The following ZNF407 variants were observed in gnomAD, a reference collection of about 807,000 sequenced individuals.
ZNF407 encodes the protein zinc finger protein 407.
ZNF407 carries 17 observed loss-of-function variants against 131.2 expected under a neutral mutation model. The ratio of observed to expected loss-of-function variants is 0.13; its 90% CI spans 0.09 to 0.19. The LOEUF (loss-of-function observed/expected upper bound fraction) is 0.19. ZNF407 is among the 10% of genes least tolerant of loss of function. The pLI is 1.00. For missense variants in ZNF407, 2,681 were observed against 2,830.6 expected (o/e 0.95, Z 1.20); for synonymous variants, 1,156 against 1,062.0 (o/e 1.09, Z -1.72).
At chr18:74,667,091 G>A (rs1172759812) in intron 3 of ZNF407, among the ~76,000 whole-genome samples, 1 of 151,894 alleles carries the variant, frequency 6.6e-6, no homozygotes, top group Non-Finnish European at 1.5e-5. Context: ...TGATCTGTTG[G>A]TGCCTCACAA....
intron 8 of ZNF407, among the ~76,000 whole-genome samples, chr18:74,938,007 A>G (rs1415983959): frequency 1.3e-5 from 2 of 152,164 alleles, no homozygotes; most frequent in Non-Finnish European, 2.9e-5. Context: ...CATAATGCTC[A>G]TATTCAGGAC....
At position 74,649,368 on chromosome 18, in the gene ZNF407, G is replaced by T. The variant is rs188705436; in HGVS notation, c.4802+8246G>T. Among the ~76,000 whole-genome samples the T allele has an allele frequency of 2.6e-3, 402 of 152,316 alleles. 1 individual carries two copies. The highest frequency in any genetic ancestry group is 9.4e-3 in the African/African-American group (389 of 41,576). On this transcript the variant is annotated intron_variant, in intron 3 of 8. Transcript: ENST00000299687. ...TCTAGTCTATTTTAGAAGTGCTGCT[G>T]TAAGTGAAATAGGTGAAAGTGGTCT...
chr18:75,007,360 CAT>C (rs775099055), intron 8 of ZNF407, among the ~76,000 whole-genome samples: 1 of 152,114 alleles, frequency 6.6e-6, no homozygotes, highest in Non-Finnish European at 1.5e-5. Context: ...TTTTAACACA[CAT>C]GTGACAAGTG....
At position 74,881,023 on chromosome 18, in the gene ZNF407, G is replaced by A. The variant is rs28506470; in HGVS notation, c.5045-13G>A. Reference sequence around the variant, plus strand: ...GACCTCCGCAGTCCCTCATCTGTTTGTTGTTGCAACAGGCGAGAAGTCGTT... The same window carrying A: ...GACCTCCGCAGTCCCTCATCTGTTTATTGTTGCAACAGGCGAGAAGTCGTT... On this transcript the variant is annotated splice_polypyrimidine_tract_variant and intron_variant, in intron 5 of 8. Transcript: ENST00000299687. 7.1e-3 allele frequency: 11,249 copies of A among 1,586,656 alleles called. 388 individuals are homozygous for A. In the African/African-American group the frequency reaches 0.099, roughly 14 times the overall value.
chr18:74,717,609 T>C (rs1967926128), intron 3 of ZNF407, among the ~76,000 whole-genome samples: 1 of 152,178 alleles, frequency 6.6e-6, no homozygotes, highest in Non-Finnish European at 1.5e-5. Context: ...TTTATTCGCT[T>C]ATGTTTGAAG....
intron 4 of ZNF407, among the ~76,000 whole-genome samples, chr18:74,814,741 G>A (rs987638483): frequency 1.4e-4 from 22 of 152,088 alleles, no homozygotes; most frequent in African/African-American, 2.9e-4. Flanking sequence ...ATCTTACTGC[G>A]TAAAATTTTT....
chr18:74,720,063 T>A (rs1347745218), intron 3 of ZNF407, among the ~76,000 whole-genome samples: 7 of 152,198 alleles, frequency 4.6e-5, no homozygotes, highest in African/African-American at 7.2e-5. Flanking sequence ...ATTTTTTTTT[T>A]GAAGAAGAAG....
chr18:74,966,684 G>A (rs911152890), intron 8 of ZNF407, among the ~76,000 whole-genome samples: 1 of 152,012 alleles, frequency 6.6e-6, no homozygotes, highest in African/African-American at 2.4e-5. Context: ...AGGATTTTGT[G>A]TTTCTGTGGA....
At chr18:74,987,468 T>G (rs1279350541) in intron 8 of ZNF407, among the ~76,000 whole-genome samples, 1 of 152,180 alleles carries the variant, frequency 6.6e-6, no homozygotes, top group Non-Finnish European at 1.5e-5. Context: ...GAATGTGTGT[T>G]GAGAAAAGAG....
At chr18:74,840,812 T>G (rs1970621642) in intron 4 of ZNF407, among the ~76,000 whole-genome samples, 1 of 152,222 alleles carries the variant, frequency 6.6e-6, no homozygotes, top group African/African-American at 2.4e-5. Context: ...ATTCTGAATT[T>G]TATAGCTTCT....
intron 3 of ZNF407, among the ~76,000 whole-genome samples, chr18:74,734,124 G>A (rs1234074216): frequency 6.6e-6 from 1 of 152,154 alleles, no homozygotes; most frequent in African/African-American, 2.4e-5. Context: ...TTGACAAGTC[G>A]TACGTGTTCG....
intron 4 of ZNF407, among the ~76,000 whole-genome samples, chr18:74,849,665 G>A (rs1970753907): frequency 6.6e-6 from 1 of 152,160 alleles, no homozygotes; most frequent in Non-Finnish European, 1.5e-5. Flanking sequence ...CTACACCTGT[G>A]CACCTGCTTA....
chr18:74,905,444 C>T (rs1971583259), intron 7 of ZNF407: 1 of 152,270 alleles, frequency 6.6e-6, no homozygotes, highest in African/African-American at 2.4e-5. Context: ...AGCCGGTTGG[C>T]TGCTCGCGCA....
intron 3 of ZNF407, among the ~76,000 whole-genome samples, chr18:74,741,867 G>T (rs1411548487): frequency 6.6e-6 from 1 of 152,076 alleles, no homozygotes; most frequent in Non-Finnish European, 1.5e-5. Flanking sequence ...CTATGAAAAA[G>T]CTGCCCAGTT....
intron 6 of ZNF407, among the ~76,000 whole-genome samples, chr18:74,881,801 A>T (rs1468741627): frequency 6.6e-6 from 1 of 152,230 alleles, no homozygotes; most frequent in East Asian, 1.9e-4. Context: ...GAACTGTATT[A>T]GTCCTTTTTC....
chr18:74,753,141 A>G (rs113666302), intron 3 of ZNF407, among the ~76,000 whole-genome samples: 3 of 152,116 alleles, frequency 2.0e-5, no homozygotes, highest in Non-Finnish European at 2.9e-5. Context: ...TTCTCTTTGA[A>G]GCAATTGTGA....
At chr18:74,731,475 A>G (rs773577831) in intron 3 of ZNF407, among the ~76,000 whole-genome samples, 3 of 152,202 alleles carry the variant, frequency 2.0e-5, no homozygotes, top group East Asian at 1.9e-4. Context: ...AAACAATTCT[A>G]TCCTCATTTC....
At chr18:74,639,819 T>G (rs1984625483) in intron 2 of ZNF407, among the ~76,000 whole-genome samples, 1 of 152,162 alleles carries the variant, frequency 6.6e-6, no homozygotes, top group African/African-American at 2.4e-5. Flanking sequence ...TAAATTGAAA[T>G]TTAAGACTCT....
chr18:74,606,536 C>G (rs1372795289), intron 1 of ZNF407, among the ~76,000 whole-genome samples: 1 of 152,130 alleles, frequency 6.6e-6, no homozygotes, highest in Admixed American at 6.5e-5. Flanking sequence ...AGCCACTGCA[C>G]CCAGCCTAGA....
Sources: allele counts gnomAD v4.1 joint callset (sites outside exome capture counted in the v4.1 genomes callset), GRCh38; gene constraint gnomAD v4.1.1; transcripts MANE v1.5; gene names NCBI Gene and HGNC (gene_info 2026-07-23, HGNC 2026-07-21).